Variants in PCTP observed in about 807,000 individuals in gnomAD.
The protein encoded by PCTP is START domain-containing protein 2.
Under a neutral mutation model 31.0 loss-of-function variants are expected in PCTP, and 27 were observed. The observed-to-expected ratio is 0.87, with a 90% CI of 0.64 to 1.20. The LOEUF (loss-of-function observed/expected upper bound fraction) is 1.20. Among genes scored for constraint, PCTP ranks in the 50% most tolerant of loss-of-function variants. The pLI is 0.00. For missense variants in PCTP, 287 were observed against 268.2 expected (o/e 1.07, Z -0.49); for synonymous variants, 108 against 101.2 (o/e 1.07, Z -0.40).
intron 1 of PCTP, among the ~76,000 whole-genome samples, chr17:55,759,420 A>C (rs750948795): frequency 6.6e-6 from 1 of 152,206 alleles, no homozygotes; most frequent in Non-Finnish European, 1.5e-5. Context: ...TTAGCCAACT[A>C]TCTGTCTTTG....
chr17:55,784,535 T>C (rs1022566490), intron 2 of PCTP, among the ~76,000 whole-genome samples: 2 of 152,156 alleles, frequency 1.3e-5, no homozygotes, highest in Admixed American at 1.3e-4. Flanking sequence ...ACAATCTGAT[T>C]TCAAATAATC....
At chr17:55,768,639 GC>G (rs1389394808) in intron 2 of PCTP, among the ~76,000 whole-genome samples, 1 of 152,146 alleles carries the variant, frequency 6.6e-6, no homozygotes, top group African/African-American at 2.4e-5. Context: ...AGTAGAACTA[GC>G]TAATAGAACT....
intron 3 of PCTP, among the ~76,000 whole-genome samples, chr17:55,812,056 G>A (rs1481043001): frequency 6.6e-6 from 1 of 152,306 alleles, no homozygotes; most frequent in East Asian, 1.9e-4. Flanking sequence ...TTTTACAGAT[G>A]TGGAAGTAGA....
At chr17:55,810,426 A>G (rs1045633216) in intron 3 of PCTP, among the ~76,000 whole-genome samples, 1 of 152,228 alleles carries the variant, frequency 6.6e-6, no homozygotes, top group Non-Finnish European at 1.5e-5. Flanking sequence ...CCACCTACCT[A>G]TAAAATCTAG....
At chr17:55,772,645 G>T (rs1911078608) in intron 3 of PCTP, among the ~76,000 whole-genome samples, 1 of 151,680 alleles carries the variant, frequency 6.6e-6, no homozygotes, top group Non-Finnish European at 1.5e-5. Context: ...TATAGTAAGT[G>T]TAATTGTGTT....
At chr17:55,819,635 G>A (rs184446952) in intron 3 of PCTP, among the ~76,000 whole-genome samples, 56 of 152,154 alleles carry the variant, frequency 3.7e-4, no homozygotes, top group African/African-American at 1.3e-3. Flanking sequence ...TGCATCTGTT[G>A]TCCTGGCTAC....
chr17:55,763,713 G>C (rs1334653496), intron 1 of PCTP, among the ~76,000 whole-genome samples: 1 of 151,974 alleles, frequency 6.6e-6, no homozygotes, highest in Non-Finnish European at 1.5e-5. Flanking sequence ...GGATTATGGG[G>C]TTACATGTCA....
chr17:55,797,595 C>T (rs909172046), intron 3 of PCTP, among the ~76,000 whole-genome samples: 1 of 151,978 alleles, frequency 6.6e-6, no homozygotes, highest in Non-Finnish European at 1.5e-5. Flanking sequence ...GCTTACTTGC[C>T]TCATGTTAGT....
At chr17:55,813,229 C>A (rs928904721) in intron 3 of PCTP, among the ~76,000 whole-genome samples, 2 of 152,148 alleles carry the variant, frequency 1.3e-5, no homozygotes, top group South Asian at 4.1e-4. Context: ...TTAAAAAATG[C>A]TATTTAAACA....
At chr17:55,822,719 G>A in intron 3 of PCTP, 1 of 1,162,130 alleles carries the variant, frequency 8.6e-7, no homozygotes, top group Non-Finnish European at 1.1e-6. Context: ...TTTTGTGGCT[G>A]TACTTACTCT....
chr17:55,776,131 G>T lies in PCTP; in HGVS notation c.*31G>T, dbSNP rs1436655905. The T allele has an allele frequency of 3.1e-6, 5 of 1,612,622 alleles. No homozygotes were observed. Among genetic ancestry groups the T allele is most frequent in the Non-Finnish European group, 4.2e-6 (5 of 1,179,488 alleles). On this transcript the variant is annotated 3_prime_UTR_variant, in exon 6 of 6. Coordinates refer to ENST00000268896, the MANE Select transcript of PCTP (RefSeq NM_021213.4). ...AGAACTGGGAACATTGCATCCATGG[G>T]TTGATGTCTCTGGAAGTGCAACCAC... is the stretch of plus-strand genomic sequence containing the variant.
chr17:55,799,079 A>C (rs1404637756), intron 3 of PCTP, among the ~76,000 whole-genome samples: 5 of 151,926 alleles, frequency 3.3e-5, no homozygotes. Flanking sequence ...TGGGGGGGGA[A>C]TGCAATAATA....
chr17:55,841,253 G>A (rs1172578551), intron 5 of PCTP, among the ~76,000 whole-genome samples: 2 of 152,150 alleles, frequency 1.3e-5, no homozygotes, highest in Non-Finnish European at 2.9e-5. Context: ...TGAGGCATTG[G>A]TACTAGACGG....
chr17:55,838,868 G>C (rs1349292233), intron 5 of PCTP, among the ~76,000 whole-genome samples: 1 of 152,110 alleles, frequency 6.6e-6, no homozygotes, highest in South Asian at 2.1e-4. Flanking sequence ...TAAAAAGCTA[G>C]TCTATCTGTT....
At chr17:55,843,516 G>A (rs1906051746), downstream of PCTP, among the ~76,000 whole-genome samples, 1 of 152,158 alleles carries the variant, frequency 6.6e-6, no homozygotes. Flanking sequence ...CAGTGTCTTT[G>A]CTCGTGATAG....
intron 2 of PCTP, chr17:55,768,753 G>A (rs914493412): frequency 1.8e-4 from 28 of 152,164 alleles, no homozygotes; most frequent in African/African-American, 6.3e-4. Flanking sequence ...TGGCGACCAG[G>A]CTATCGGTCT....
At chr17:55,759,854 G>A (rs1293288125) in intron 1 of PCTP, among the ~76,000 whole-genome samples, 3 of 152,176 alleles carry the variant, frequency 2.0e-5, no homozygotes, top group African/African-American at 4.8e-5. Context: ...CAAACATTAC[G>A]ACATTTTGAC....
chr17:55,761,205 G>A (rs558503381), intron 1 of PCTP, among the ~76,000 whole-genome samples: 2 of 152,234 alleles, frequency 1.3e-5, no homozygotes, highest in Non-Finnish European at 2.9e-5. Context: ...ACATCACAGG[G>A]CTATCTTAGC....
chr17:55,800,152 A>G (rs550356836), intron 3 of PCTP, among the ~76,000 whole-genome samples: 1 of 152,188 alleles, frequency 6.6e-6, no homozygotes, highest in Non-Finnish European at 1.5e-5. Context: ...CTCCTGGATA[A>G]TATCCTGCAG....
Sources: gnomAD v4.1 joint callset for allele counts (sites outside exome capture counted in the v4.1 genomes callset) on GRCh38, gnomAD v4.1.1 for gene constraint, MANE v1.5 for transcripts, NCBI Gene and HGNC (gene_info 2026-07-23, HGNC 2026-07-21) for gene names.